SMYD3: variants seen among roughly 807,000 people sequenced by gnomAD.
SMYD3 encodes the protein histone-lysine N-methyltransferase SMYD3.
A neutral mutation model predicts 57.7 loss-of-function variants in SMYD3; 36 were observed. That is an observed-to-expected ratio of 0.62 (90% CI 0.48 to 0.82). SMYD3 has a LOEUF of 0.82. Ranked by LOEUF, SMYD3 falls within the 40% of genes least tolerant of loss-of-function variation. SMYD3 has a pLI of 0.00. For synonymous variants in SMYD3, 211 were observed against 195.0 expected (o/e 1.08, Z -0.68); for missense variants, 515 against 538.8 (o/e 0.96, Z 0.44).
intron 7 of SMYD3, 63 bp from the exon 8 acceptor site, chr1:245,915,703 G>GTTA: frequency 9.3e-7 from 1 of 1,070,098 alleles, no homozygotes; most frequent in Middle Eastern, 2.1e-4. Flanking sequence ...TTAACAAATG[G>GTTA]TTATTATTAT....
intron 8 of SMYD3, among the ~76,000 whole-genome samples, chr1:245,897,053 G>C (rs1417610815): frequency 6.6e-6 from 1 of 152,166 alleles, no homozygotes; most frequent in African/African-American, 2.4e-5. Flanking sequence ...ACACTTAAAA[G>C]AAGTGTGATT....
intron 5 of SMYD3, among the ~76,000 whole-genome samples, chr1:246,043,470 AG>A (rs1242944188): frequency 5.9e-5 from 9 of 152,242 alleles, no homozygotes; most frequent in African/African-American, 2.2e-4. Flanking sequence ...AACCAAAACA[AG>A]GTGACTATTT....
intron 11 of SMYD3, among the ~76,000 whole-genome samples, chr1:245,753,655 G>A (rs1284113078): frequency 1.3e-5 from 2 of 152,188 alleles, no homozygotes; most frequent in Non-Finnish European, 2.9e-5. Flanking sequence ...AACGATGTAC[G>A]GAGAGGGCCC....
intron 5 of SMYD3, among the ~76,000 whole-genome samples, chr1:246,060,362 A>G (rs1335398120): frequency 6.6e-6 from 1 of 151,970 alleles, no homozygotes; most frequent in East Asian, 1.9e-4. Flanking sequence ...TAAATATTTC[A>G]TTTTAAACAG....
At chr1:246,049,453 C>A (rs1296657964) in intron 5 of SMYD3, among the ~76,000 whole-genome samples, 1 of 142,926 alleles carries the variant, frequency 7.0e-6, no homozygotes, top group African/African-American at 2.8e-5. Flanking sequence ...CCCGCCACCA[C>A]GCCTGGCTAA....
chr1:245,893,798 C>T (rs1272744268), intron 8 of SMYD3, among the ~76,000 whole-genome samples: 5 of 152,098 alleles, frequency 3.3e-5, no homozygotes, highest in African/African-American at 7.2e-5. Flanking sequence ...CTGCATTTAT[C>T]CAAGTTTGTA....
intron 10 of SMYD3, among the ~76,000 whole-genome samples, chr1:245,833,446 T>C (rs1400124506): frequency 1.3e-5 from 2 of 152,226 alleles, no homozygotes; most frequent in Non-Finnish European, 2.9e-5. Flanking sequence ...TACTGTACAA[T>C]GTACTCTGAT....
intron 5 of SMYD3, among the ~76,000 whole-genome samples, chr1:246,261,046 TTGTTG>T (rs201322207): frequency 0.15 from 19,518 of 131,502 alleles, 1,810 homozygotes; most frequent in East Asian, 0.46. Flanking sequence ...CTGGGTTTTG[TTGTTG>T]TTGTTGTTGT....
At chr1:246,131,754 G>A (rs1056666938) in intron 5 of SMYD3, among the ~76,000 whole-genome samples, 18 of 152,234 alleles carry the variant, frequency 1.2e-4, no homozygotes, top group African/African-American at 2.9e-4. Context: ...ATAAATTTCC[G>A]GAGAAGTCTA....
intron 5 of SMYD3, among the ~76,000 whole-genome samples, chr1:246,126,258 A>G (rs189119327): frequency 3.0e-4 from 46 of 152,314 alleles, no homozygotes; most frequent in African/African-American, 9.6e-4. Context: ...AATTGTCACA[A>G]TGGCATGTGG....
intron 5 of SMYD3, among the ~76,000 whole-genome samples, chr1:246,184,351 A>T (rs2062599408): frequency 6.6e-6 from 1 of 152,226 alleles, no homozygotes; most frequent in African/African-American, 2.4e-5. Context: ...ACAGATAAAT[A>T]GGAATGGGTC....
At chr1:245,898,451 G>A (rs574515059) in intron 8 of SMYD3, among the ~76,000 whole-genome samples, 10 of 152,280 alleles carry the variant, frequency 6.6e-5, no homozygotes, top group African/African-American at 1.7e-4. Context: ...TGTTAGGGTC[G>A]CAACTAGAGA....
chr1:246,267,942 G>A (rs956628222), intron 5 of SMYD3, among the ~76,000 whole-genome samples: 4 of 152,120 alleles, frequency 2.6e-5, no homozygotes, highest in Non-Finnish European at 4.4e-5. Flanking sequence ...CTTTTCCTAT[G>A]AGCCTGAGAG....
chr1:245,955,235 G>A (rs1241229088), intron 5 of SMYD3, among the ~76,000 whole-genome samples: 3 of 145,986 alleles, frequency 2.1e-5, no homozygotes, highest in Non-Finnish European at 3.0e-5. Context: ...GGGACTACAG[G>A]TGCCCGCCGC....
At chr1:245,820,950 C>T (rs1438435366) in intron 10 of SMYD3, among the ~76,000 whole-genome samples, 6 of 150,946 alleles carry the variant, frequency 4.0e-5, no homozygotes, top group East Asian at 2.0e-4. Context: ...GAATCAATAT[C>T]GTGAAAATGG....
chr1:246,448,328 T>C lies in SMYD3; in HGVS notation c.164+58726A>G, dbSNP rs150670678. On this transcript the variant is annotated intron_variant, in intron 1 of 11. Coordinates refer to ENST00000490107, the MANE Select transcript of SMYD3 (RefSeq NM_001167740.2). ...CGCACAGAGACTAAGATAAAACTGC[T>C]GTTCAATAAATGCTCTTCTCCTCAT... is the stretch of plus-strand genomic sequence containing the variant. 6.4e-4 allele frequency among the ~76,000 whole-genome samples: 98 copies of C among 152,358 alleles called. 1 individual carries two copies. The highest frequency in any genetic ancestry group is 2.0e-3 in the African/African-American group (82 of 41,578).
intron 5 of SMYD3, among the ~76,000 whole-genome samples, chr1:246,090,518 CTCTCTT>C (rs1558219084): frequency 8.2e-6 from 1 of 121,814 alleles, no homozygotes; most frequent in East Asian, 2.2e-4. Context: ...TTCTTTCTCT[CTCTCTT>C]TTTTTTTTTT....
chr1:246,209,719 T>C (rs1455336672), intron 5 of SMYD3, among the ~76,000 whole-genome samples: 1 of 152,212 alleles, frequency 6.6e-6, no homozygotes, highest in Non-Finnish European at 1.5e-5. Flanking sequence ...TGGGTACTTT[T>C]GTATACTTGC....
intron 5 of SMYD3, among the ~76,000 whole-genome samples, chr1:246,134,901 A>C (rs61840383): frequency 0.19 from 28,005 of 151,344 alleles, 3,523 homozygotes; most frequent in African/African-American, 0.33. Flanking sequence ...CCAAACTAAA[A>C]TTACATCCCC....
Sources: gnomAD v4.1 joint callset for allele counts (sites outside exome capture counted in the v4.1 genomes callset) on GRCh38, gnomAD v4.1.1 for gene constraint, MANE v1.5 for transcripts, NCBI Gene and HGNC (gene_info 2026-07-23, HGNC 2026-07-21) for gene names.